FAM210A: variants seen among roughly 807,000 people sequenced by gnomAD.
FAM210A encodes the protein mitochondrial inner membrane scaffold 1.
Under a neutral mutation model 25.3 loss-of-function variants are expected in FAM210A, and 13 were observed. The observed-to-expected ratio is 0.51, with a 90% CI of 0.33 to 0.82. FAM210A has a LOEUF of 0.82. Ranked by LOEUF, FAM210A falls within the 40% of genes least tolerant of loss-of-function variation. FAM210A has a pLI of 0.02. For missense variants in FAM210A, 319 were observed against 323.2 expected, an observed-to-expected ratio of 0.99 and a Z score of 0.10; for synonymous variants, 125 against 118.7, an observed-to-expected ratio of 1.05 and a Z score of -0.35.
At chr18:13,678,167 T>TA (rs951101854) in intron 2 of FAM210A, among the ~76,000 whole-genome samples, 8 of 152,126 alleles carry the variant, frequency 5.3e-5, no homozygotes, top group Non-Finnish European at 8.8e-5. Flanking sequence ...CTTGTCTCTA[T>TA]AAAAAATTAA....
intron 1 of FAM210A, among the ~76,000 whole-genome samples, chr18:13,708,089 A>C (rs2043793587): frequency 6.6e-6 from 1 of 152,180 alleles, no homozygotes; most frequent in South Asian, 2.1e-4. Flanking sequence ...ACAGTTATTG[A>C]ACTCTTTCTC....
intron 1 of FAM210A, among the ~76,000 whole-genome samples, chr18:13,712,641 G>GGGCT (rs796702166): frequency 1.5e-4 from 23 of 152,230 alleles, no homozygotes; most frequent in African/African-American, 5.5e-4. Flanking sequence ...AGTGAAAAGA[G>GGGCT]GGCTGTCTGT....
At chr18:13,716,861 T>C (rs2043865527) in intron 1 of FAM210A, among the ~76,000 whole-genome samples, 1 of 152,146 alleles carries the variant, frequency 6.6e-6, no homozygotes, top group African/African-American at 2.4e-5. Flanking sequence ...TTAAACCTCT[T>C]TTGTTTATAA....
rs146717541 is a variant in FAM210A at position 13,719,944 on chromosome 18, G to A, written c.-29+6385C>T. On this transcript the variant is annotated intron_variant, in intron 1 of 3. Coordinates refer to ENST00000651643, the MANE Select transcript of FAM210A (RefSeq NM_152352.4). The stretch of plus-strand genomic sequence containing the variant: ...ATGAGGAAATCAAAACACAAAGTTT[G>A]GCCACTTACTCAAGGATGACATGCT... 4.8e-3 allele frequency among the ~76,000 whole-genome samples: 729 copies of A among 152,182 alleles called. 8 individuals are homozygous for A. The highest frequency in any genetic ancestry group is 0.017 in the African/African-American group (693 of 41,512).
chr18:13,726,539 G>T lies in FAM210A; in HGVS notation c.-239C>A, dbSNP rs182173479. The T allele has an allele frequency of 2.6e-5, 4 of 152,448 alleles. No individual in the cohort carries two copies. Among genetic ancestry groups the T allele is most frequent in the African/African-American group, 9.6e-5 (4 of 41,576 alleles). The allele number at this position is 152,448 out of a possible 1,614,324, so 9.4% of individuals were successfully genotyped here. ...TAGCAACGTGCTCGCGACCTCCAGT[G>T]CCCGCTCAGTGAAGCTTCTGCATGC... On this transcript the variant is annotated 5_prime_UTR_variant, in exon 1 of 4. Coordinates refer to ENST00000651643, the MANE Select transcript of FAM210A (RefSeq NM_152352.4).
At chr18:13,700,976 C>T (rs564214562) in intron 1 of FAM210A, among the ~76,000 whole-genome samples, 165 of 152,324 alleles carry the variant, frequency 1.1e-3, no homozygotes, top group African/African-American at 3.8e-3. Context: ...TCTCCCACCA[C>T]GTGGCTACAT....
rs2043385272 is a variant in FAM210A, at chr18:13,664,623, A to G, written c.*1857T>C. 6.6e-6 allele frequency: 1 copy of G among 152,218 alleles called. No individual in the cohort carries two copies. The highest frequency in any genetic ancestry group is 1.5e-5 in the Non-Finnish European group (1 of 68,030). 9.4% of individuals were successfully genotyped at this position (152,218 alleles called of 1,614,324 possible). On this transcript the variant is annotated 3_prime_UTR_variant, in exon 4 of 4. Transcript: ENST00000651643. ...GAGACAGCGGTGCTGCCTGCCCAAGACTGCAGAGAGCAGAGACACAGCTGC... is the reference window on the plus strand; with the variant it reads ...GAGACAGCGGTGCTGCCTGCCCAAGGCTGCAGAGAGCAGAGACACAGCTGC...
intron 1 of FAM210A, among the ~76,000 whole-genome samples, chr18:13,709,629 T>C (rs1460723830): frequency 2.6e-5 from 4 of 152,326 alleles, no homozygotes; most frequent in Non-Finnish European, 5.9e-5. Flanking sequence ...TAACTTCTTA[T>C]ACAATTTACT....
intron 1 of FAM210A, among the ~76,000 whole-genome samples, chr18:13,717,791 G>A (rs2043872412): frequency 6.6e-6 from 1 of 152,164 alleles, no homozygotes; most frequent in African/African-American, 2.4e-5. Context: ...ACAGGCTCGA[G>A]AAAAGACTTA....
Position 13,688,658 on chromosome 18 carries a change from C to A in FAM210A, c.-28-6553G>T, listed in dbSNP as rs2149059826. Among the ~76,000 whole-genome samples, 2 of 152,362 alleles carry A rather than the reference C, an allele frequency of 1.3e-5. 1 individual carries two copies. Among genetic ancestry groups the A allele is most frequent in the Middle Eastern group, 6.8e-3 (2 of 294 alleles). On this transcript the variant is annotated intron_variant, in intron 1 of 3. Coordinates refer to ENST00000651643, the MANE Select transcript of FAM210A (RefSeq NM_152352.4). ...AAAAGGTTGTCACTCTGGCTCTTTG[C>A]CCTCACTGGCGGAGAGCAGCCACCC...
chr18:13,675,059 CATTCCTGAGCCCCAACTTCA>C (rs2043481129), intron 2 of FAM210A, among the ~76,000 whole-genome samples: 7 of 52,230 alleles, frequency 1.3e-4, no homozygotes, highest in South Asian at 8.1e-4. Context: ...TGATTATTAA[CATTCCTGAGCCCCAACTTCA>C]TTATTTCCAG....
At position 13,666,568 on chromosome 18, in the gene FAM210A, G is replaced by C; in HGVS notation, c.731C>G (p.Thr244Arg). The change falls in exon 4 of 4, where the codon ACA becomes AGA. Residue 244 changes from threonine to arginine, a missense_variant. Transcript: ENST00000651643. ...ATCTTTTGTTTCTTCCATTTTCTCTGTGATAAGCTCCTTTGTCTCTTCCAT... is the reference window on the plus strand; with the variant it reads ...ATCTTTTGTTTCTTCCATTTTCTCTCTGATAAGCTCCTTTGTCTCTTCCAT... ...DRMEETKELI[T>R]EKMEETKDRL... 6.2e-7 allele frequency: 1 copy of C among 1,614,030 alleles called. No homozygotes were observed. Among genetic ancestry groups the C allele is most frequent in the South Asian group, 1.1e-5 (1 of 91,082 alleles).
At chr18:13,698,366 A>AT (rs1287847973) in intron 1 of FAM210A, among the ~76,000 whole-genome samples, 58 of 151,196 alleles carry the variant, frequency 3.8e-4, no homozygotes, top group Non-Finnish European at 1.5e-4. Context: ...AAAAAAAAAA[A>AT]AAAAAATAAG....
intron 1 of FAM210A, among the ~76,000 whole-genome samples, chr18:13,718,751 CTA>C (rs1426681515): frequency 1.9e-4 from 29 of 152,074 alleles, no homozygotes; most frequent in Admixed American, 1.5e-3. Flanking sequence ...TGAATAAGGA[CTA>C]TGTTTGTTAA....
At chr18:13,667,960 G>A (rs1457549573) in intron 3 of FAM210A, among the ~76,000 whole-genome samples, 2 of 152,216 alleles carry the variant, frequency 1.3e-5, no homozygotes, top group Non-Finnish European at 2.9e-5. Context: ...CTACTTGGGA[G>A]GCTGATGCAG....
intron 1 of FAM210A, among the ~76,000 whole-genome samples, chr18:13,683,672 T>C (rs956880836): frequency 5.3e-5 from 8 of 151,596 alleles, no homozygotes; most frequent in East Asian, 1.9e-4. Flanking sequence ...CATTACCATA[T>C]AGTCAATCAG....
chr18:13,688,734 A>G (rs1019736358), intron 1 of FAM210A, among the ~76,000 whole-genome samples: 1 of 152,234 alleles, frequency 6.6e-6, no homozygotes, highest in Non-Finnish European at 1.5e-5. Flanking sequence ...CTGTCTGTAG[A>G]TGGCGGAGCT....
intron 2 of FAM210A, among the ~76,000 whole-genome samples, chr18:13,673,037 G>A (rs2043456522): frequency 6.6e-6 from 1 of 151,818 alleles, no homozygotes; most frequent in African/African-American, 2.4e-5. Flanking sequence ...TAACATTCCT[G>A]AGCCCTGGCT....
In FAM210A at chr18:13,672,621, G is replaced by A. The variant is rs554256373; in HGVS notation, c.474-648C>T. ...CATGGGGCTTCATCATGTAGGCCAG[G>A]ATGGTGTCCATCTCCTGACCTCATG... On this transcript the variant is annotated intron_variant, in intron 2 of 3. Transcript: ENST00000651643. Among the ~76,000 whole-genome samples, 8 of 152,270 alleles carry A rather than the reference G, an allele frequency of 5.3e-5. No homozygotes were observed. The East Asian group carries it at 1.5e-3, about 29-fold the overall frequency.
Sources: allele counts gnomAD v4.1 joint callset (sites outside exome capture counted in the v4.1 genomes callset), GRCh38; gene constraint gnomAD v4.1.1; transcripts MANE v1.5; gene names NCBI Gene and HGNC (gene_info 2026-07-23, HGNC 2026-07-21).